FGF12: variants seen among roughly 807,000 people sequenced by gnomAD.
The protein encoded by FGF12 is fibroblast growth factor 12.
Under a neutral mutation model 23.6 loss-of-function variants are expected in FGF12, and 14 were observed. That is an observed-to-expected ratio of 0.59 (90% CI 0.39 to 0.93). The LOEUF (loss-of-function observed/expected upper bound fraction) is 0.93, where lower values mean the gene tolerates loss of function less well. FGF12 is among the 40% of genes least tolerant of loss of function. The probability of loss-of-function intolerance (pLI) is 0.00; values close to 1 mark genes in which losing one functional copy is unlikely to be tolerated. For missense variants in FGF12, 175 were observed against 217.8 expected (o/e 0.80, Z 1.24); for synonymous variants, 62 against 77.3 (o/e 0.80, Z 1.04).
chr3:192,667,704 G>A (rs1716944769), intron 2 of FGF12, among the ~76,000 whole-genome samples: 1 of 150,828 alleles, frequency 6.6e-6, no homozygotes, highest in African/African-American at 2.4e-5. Context: ...CACAGTGAAA[G>A]ACACAGAGGA....
chr3:192,181,353 GCA>G (rs1369883901), intron 4 of FGF12, among the ~76,000 whole-genome samples: 3 of 146,904 alleles, frequency 2.0e-5, no homozygotes, highest in African/African-American at 7.9e-5. Flanking sequence ...AGACCTACAC[GCA>G]CACACACAGA....
At chr3:192,560,946 C>T (rs1448422592) in intron 2 of FGF12, among the ~76,000 whole-genome samples, 1 of 152,088 alleles carries the variant, frequency 6.6e-6, no homozygotes, top group East Asian at 1.9e-4. Flanking sequence ...ATAGTACATG[C>T]ATACAACAAA....
intron 3 of FGF12, among the ~76,000 whole-genome samples, chr3:192,355,186 T>C (rs1577382560): frequency 6.6e-6 from 1 of 152,206 alleles, no homozygotes; most frequent in Non-Finnish European, 1.5e-5. Context: ...TTTGCATATA[T>C]GAAAAATGAC....
At chr3:192,550,608 CAA>C (rs1003806578) in intron 2 of FGF12, among the ~76,000 whole-genome samples, 3 of 151,330 alleles carry the variant, frequency 2.0e-5, no homozygotes, top group Non-Finnish European at 4.4e-5. Context: ...CCGTTTCAGA[CAA>C]AGAGAAAATT....
chr3:192,280,353 T>A (rs1206759100), intron 4 of FGF12, among the ~76,000 whole-genome samples: 1 of 152,172 alleles, frequency 6.6e-6, no homozygotes. Flanking sequence ...ATTTGGTCTC[T>A]TTACTTACTA....
chr3:192,708,737 G>A (rs1396036684), intron 2 of FGF12, among the ~76,000 whole-genome samples: 1 of 152,148 alleles, frequency 6.6e-6, no homozygotes, highest in Non-Finnish European at 1.5e-5. Context: ...GGGAAAGAAG[G>A]ACTTCTTACC....
chr3:192,436,696 T>G (rs1009091903), intron 2 of FGF12, among the ~76,000 whole-genome samples: 4 of 152,242 alleles, frequency 2.6e-5, no homozygotes, highest in Non-Finnish European at 5.9e-5. Flanking sequence ...CTTTTAAGAT[T>G]ATACATGTTT....
At chr3:192,607,784 G>C (rs1374237410) in intron 2 of FGF12, among the ~76,000 whole-genome samples, 1 of 148,672 alleles carries the variant, frequency 6.7e-6, no homozygotes, top group Non-Finnish European at 1.5e-5. Flanking sequence ...TTTCTTGTCA[G>C]CTCTCTTCGT....
At chr3:192,426,897 T>C (rs1721702614) in intron 2 of FGF12, among the ~76,000 whole-genome samples, 1 of 152,226 alleles carries the variant, frequency 6.6e-6, no homozygotes, top group East Asian at 1.9e-4. Flanking sequence ...TAATTACTAA[T>C]TTACTGTCTC....
intron 2 of FGF12, among the ~76,000 whole-genome samples, chr3:192,530,840 A>T (rs1348512682): frequency 6.6e-6 from 1 of 151,974 alleles, no homozygotes; most frequent in Non-Finnish European, 1.5e-5. Flanking sequence ...TTTTAGATAG[A>T]GTCTTGTTCT....
At chr3:192,176,147 G>T (rs909816875) in intron 4 of FGF12, among the ~76,000 whole-genome samples, 1 of 152,140 alleles carries the variant, frequency 6.6e-6, no homozygotes, top group Non-Finnish European at 1.5e-5. Context: ...GACTCCCACT[G>T]TCAACACTGT....
chr3:192,627,755 T>C (rs1486077126), intron 2 of FGF12, among the ~76,000 whole-genome samples: 4 of 152,132 alleles, frequency 2.6e-5, no homozygotes, highest in African/African-American at 9.7e-5. Flanking sequence ...TTTCCCCCAA[T>C]GGTAATATTT....
At chr3:192,442,088 C>T (rs140677375) in intron 2 of FGF12, among the ~76,000 whole-genome samples, 207 of 152,286 alleles carry the variant, frequency 1.4e-3, no homozygotes, top group African/African-American at 4.6e-3. Context: ...GCCCACAGGA[C>T]GACCAACTAG....
intron 4 of FGF12, among the ~76,000 whole-genome samples, chr3:192,285,009 A>G (rs1714366321): frequency 6.6e-6 from 1 of 152,104 alleles, no homozygotes; most frequent in Non-Finnish European, 1.5e-5. Flanking sequence ...GTACAAGTAC[A>G]GACATAGCCT....
intron 4 of FGF12, among the ~76,000 whole-genome samples, chr3:192,217,483 C>G (rs976739533): frequency 3.9e-5 from 6 of 152,078 alleles, no homozygotes; most frequent in Non-Finnish European, 8.8e-5. Context: ...TGGGTAAATG[C>G]TCTTTATTAG....
At chr3:192,605,041 C>G (rs972460673) in intron 2 of FGF12, among the ~76,000 whole-genome samples, 2 of 152,114 alleles carry the variant, frequency 1.3e-5, no homozygotes, top group Non-Finnish European at 2.9e-5. Context: ...TACAAAAACT[C>G]AAGCTGAATT....
chr3:192,640,795 TTTTGTTTG>T (rs139763676), intron 2 of FGF12, among the ~76,000 whole-genome samples: 80,959 of 149,886 alleles, frequency 0.54, 22,210 homozygotes, highest in East Asian at 0.66. Flanking sequence ...AACCCCTTTT[TTTTGTTTG>T]TTTGTTTGTT....
At chr3:192,511,222 TACACACAC>T (rs5855433) in intron 2 of FGF12, among the ~76,000 whole-genome samples, 227 of 149,004 alleles carry the variant, frequency 1.5e-3, no homozygotes, top group Admixed American at 1.8e-3. Flanking sequence ...CAATTGTGTG[TACACACAC>T]ACACACACAC....
At chr3:192,384,185 T>C (rs781736282) in intron 2 of FGF12, among the ~76,000 whole-genome samples, 3 of 152,146 alleles carry the variant, frequency 2.0e-5, no homozygotes, top group Non-Finnish European at 4.4e-5. Context: ...AGTGTTAGTG[T>C]TGAGTGTAAA....
Sources: allele counts gnomAD v4.1 joint callset (sites outside exome capture counted in the v4.1 genomes callset), GRCh38; gene constraint gnomAD v4.1.1; transcripts MANE v1.5; gene names NCBI Gene and HGNC (gene_info 2026-07-23, HGNC 2026-07-21).